NEK11: variants seen among roughly 807,000 people sequenced by gnomAD.
The protein encoded by NEK11 is NIMA related kinase 11.
Under a neutral mutation model 80.7 loss-of-function variants are expected in NEK11, and 72 were observed. The observed-to-expected ratio is 0.89, with a 90% CI of 0.74 to 1.08. NEK11 has a LOEUF of 1.08. Among genes scored for constraint, NEK11 ranks in the 50% least tolerant of loss-of-function variants. The pLI, the probability that NEK11 is intolerant of heterozygous loss-of-function variation, is 0.00. For missense variants in NEK11, 764 were observed against 763.6 expected (o/e 1.00, Z -0.01); for synonymous variants, 251 against 260.7 (o/e 0.96, Z 0.36).
At chr3:131,230,797 G>T (rs1318996863) in intron 15 of NEK11, among the ~76,000 whole-genome samples, 1 of 152,192 alleles carries the variant, frequency 6.6e-6, no homozygotes, top group East Asian at 1.9e-4. Flanking sequence ...ATCCCCACCC[G>T]AATCTCATCT....
intron 10 of NEK11, among the ~76,000 whole-genome samples, chr3:131,159,243 G>A (rs2091194926): frequency 6.6e-6 from 1 of 152,314 alleles, no homozygotes. Context: ...CTTTCCTCCA[G>A]GTGACCACAG....
intron 17 of NEK11, 136 bp downstream of exon 17, chr3:131,273,710 A>G (rs879120653): frequency 1.7e-6 from 1 of 602,978 alleles, no homozygotes; most frequent in Non-Finnish European, 2.9e-6. Context: ...AGCTGTTCCA[A>G]CTTAGAAACT....
intron 17 of NEK11, among the ~76,000 whole-genome samples, chr3:131,295,180 T>C (rs1004197992): frequency 5.3e-5 from 8 of 152,194 alleles, no homozygotes; most frequent in African/African-American, 1.9e-4. Flanking sequence ...TAGTCCTTTC[T>C]GCCTTTTTTT....
At chr3:131,044,422 C>CA (rs57412173) in intron 3 of NEK11, among the ~76,000 whole-genome samples, 1,479 of 37,702 alleles carry the variant, frequency 0.039, 126 homozygotes, top group African/African-American at 0.096. Context: ...AAATGGAAAG[C>CA]AAAAAAAAAA....
chr3:131,148,379 G>A (rs1354577688), intron 7 of NEK11, among the ~76,000 whole-genome samples: 2 of 151,836 alleles, frequency 1.3e-5, no homozygotes, highest in African/African-American at 4.8e-5. Context: ...ACTTGTCCTG[G>A]TCTTACGAAA....
At chr3:131,336,326 T>C (rs1308882652) in intron 17 of NEK11, among the ~76,000 whole-genome samples, 3 of 152,186 alleles carry the variant, frequency 2.0e-5, no homozygotes, top group Admixed American at 6.5e-5. Flanking sequence ...TTTCTACAAC[T>C]ATCTGATCTT....
At chr3:131,113,593 A>G (rs947782960) in intron 5 of NEK11, among the ~76,000 whole-genome samples, 18 of 152,196 alleles carry the variant, frequency 1.2e-4, no homozygotes, top group South Asian at 4.2e-4. Context: ...CTCTTCCTGC[A>G]TTCTTTCCTG....
chr3:131,132,641 A>G, intron 5 of NEK11, 104 bp from the exon 6 acceptor site: 1 of 623,288 alleles, frequency 1.6e-6, no homozygotes, highest in Non-Finnish European at 2.8e-6. Flanking sequence ...CTATGGGAGT[A>G]TATATTTATG....
intron 3 of NEK11, among the ~76,000 whole-genome samples, chr3:131,066,362 G>T (rs1452713881): frequency 1.3e-5 from 2 of 152,136 alleles, no homozygotes; most frequent in African/African-American, 2.4e-5. Flanking sequence ...TGTGCCTTGG[G>T]GACAGGGAGG....
In NEK11 at chr3:131,349,857, T is replaced by A. The variant is rs2097427866; in HGVS notation, c.*81T>A. ...TTAACATATAAGCTGAACTCTATTA[T>A]GGGGAATGGATACAAAAGCAGAGCT... On this transcript the variant is annotated 3_prime_UTR_variant, in exon 18 of 18. Coordinates refer to ENST00000383366, the MANE Select transcript of NEK11 (RefSeq NM_024800.5). 2.9e-6 allele frequency: 3 copies of A among 1,051,594 alleles called. No individual in the cohort carries two copies. The highest frequency in any genetic ancestry group is 2.8e-6 in the Non-Finnish European group (2 of 702,700). 65.1% of individuals were successfully genotyped at this position (1,051,594 alleles called of 1,614,324 possible).
chr3:131,263,820 C>T (rs1012724627), intron 16 of NEK11, among the ~76,000 whole-genome samples: 25 of 152,196 alleles, frequency 1.6e-4, no homozygotes, highest in African/African-American at 6.0e-4. Context: ...AACTAGTTTA[C>T]AGTCCCACCA....
intron 6 of NEK11, 86 bp from the exon 7 acceptor site, chr3:131,133,744 A>T (rs569339604): frequency 9.8e-7 from 1 of 1,015,398 alleles, no homozygotes; most frequent in Admixed American, 2.1e-5. Context: ...TAAAATGGTC[A>T]AATTAGGCAC....
intron 17 of NEK11, among the ~76,000 whole-genome samples, chr3:131,288,816 C>T (rs1276250178): frequency 2.0e-5 from 3 of 152,136 alleles, no homozygotes; most frequent in African/African-American, 7.2e-5. Context: ...TTTATTTTTC[C>T]TCTACCCTGA....
chr3:131,188,661 C>A (rs1579843267), intron 14 of NEK11, among the ~76,000 whole-genome samples: 1 of 152,112 alleles, frequency 6.6e-6, no homozygotes, highest in Middle Eastern at 3.2e-3. Flanking sequence ...TTAGAAAAAG[C>A]ATTCCCTGAG....
At chr3:131,217,160 G>A (rs1048587306) in intron 14 of NEK11, among the ~76,000 whole-genome samples, 68 of 152,214 alleles carry the variant, frequency 4.5e-4, no homozygotes, top group African/African-American at 1.5e-3. Flanking sequence ...ATGGTTCACA[G>A]TGGGGAGAGA....
At chr3:131,215,472 G>A (rs2094802279) in intron 14 of NEK11, among the ~76,000 whole-genome samples, 1 of 152,120 alleles carries the variant, frequency 6.6e-6, no homozygotes, top group Non-Finnish European at 1.5e-5. Flanking sequence ...CTACCATGGG[G>A]GTGTGGGAGG....
chr3:131,141,430 G>T (rs1405062248), intron 7 of NEK11, among the ~76,000 whole-genome samples: 2 of 152,102 alleles, frequency 1.3e-5, no homozygotes, highest in Non-Finnish European at 2.9e-5. Flanking sequence ...AAAGTGAGGG[G>T]TGCCCACTGG....
At chr3:131,027,456 G>A (rs1342267898) in intron 1 of NEK11, 5 of 151,772 alleles carry the variant, frequency 3.3e-5, no homozygotes, top group Admixed American at 3.3e-4. Flanking sequence ...TTCCCATCTA[G>A]CTTTCTTAAC....
intron 5 of NEK11, among the ~76,000 whole-genome samples, chr3:131,131,008 G>C (rs2084349159): frequency 2.0e-5 from 3 of 152,108 alleles, no homozygotes; most frequent in Admixed American, 1.3e-4. Context: ...CACCGTGTTG[G>C]CCAGGCTGGT....
Sources: allele counts gnomAD v4.1 joint callset (sites outside exome capture counted in the v4.1 genomes callset), GRCh38; gene constraint gnomAD v4.1.1; transcripts MANE v1.5; gene names NCBI Gene and HGNC (gene_info 2026-07-23, HGNC 2026-07-21).